The following TANGO6 variants were observed in gnomAD, a reference collection of about 807,000 sequenced individuals.
The protein encoded by TANGO6 is transport and Golgi organization protein 6 homolog.
Under a neutral mutation model 114.2 loss-of-function variants are expected in TANGO6, and 90 were observed. The observed-to-expected ratio is 0.79, with a 90% CI of 0.66 to 0.94. TANGO6 has a LOEUF of 0.94. TANGO6 is among the 40% of genes least tolerant of loss of function. The pLI, the probability that TANGO6 is intolerant of heterozygous loss-of-function variation, is 0.00. For synonymous variants in TANGO6, 477 were observed against 509.8 expected, an observed-to-expected ratio of 0.94 and a Z score of 0.87; for missense variants, 1,274 against 1,315.3, an observed-to-expected ratio of 0.97 and a Z score of 0.49.
chr16:68,851,400 C>T lies in TANGO6; in HGVS notation c.94+7689C>T, dbSNP rs569199618. 7.2e-5 allele frequency among the ~76,000 whole-genome samples: 11 copies of T among 152,190 alleles called. No individual in the cohort carries two copies. In the South Asian group the frequency reaches 1.9e-3, roughly 26 times the overall value. On this transcript the variant is annotated intron_variant, in intron 1 of 17. Transcript: ENST00000261778. The stretch of plus-strand genomic sequence containing the variant: ...GCCTCGAACTCCTGACCTTGTGATC[C>T]GCCCACCTCGGCCTCCCAAAGTGCT...
Position 68,860,405 on chromosome 16 carries a change from G to T in TANGO6, c.616G>T (p.Ala206Ser). ...YTSCKALLNV[A>S]QHTSLGSLIF... Reference sequence around the variant, plus strand: ...CAGCTGCAAGGCCCTTCTGAATGTTGCTCAGCACACATCTCTGGGGAGCTT... The same window carrying T: ...CAGCTGCAAGGCCCTTCTGAATGTTTCTCAGCACACATCTCTGGGGAGCTT... The change falls in exon 2 of 18, where the codon GCT becomes TCT. Residue 206 changes from alanine to serine, a missense_variant. Around this residue, in one of 5 missense-constraint regions of TANGO6, gnomAD observed 908 missense variants for 910.2 expected, o/e 1.00. Coordinates refer to ENST00000261778, the MANE Select transcript of TANGO6 (RefSeq NM_024562.2). 6.2e-7 allele frequency: 1 copy of T among 1,613,958 alleles called. No homozygotes were observed. Among genetic ancestry groups the T allele is most frequent in the Non-Finnish European group, 8.5e-7 (1 of 1,179,888 alleles).
chr16:68,982,630 C>CTTTTTTTTT lies in TANGO6; in HGVS notation c.2842+8476_2842+8484dup, dbSNP rs562523656. On this transcript the variant is annotated intron_variant, in intron 15 of 17. Transcript: ENST00000261778. ...CAGGCATGAGCCACCATGCCCTGGC[C>CTTTTTTTTT]TTTTTTTTTTTTTTTTTTTTTTGTA... 1.5e-3 allele frequency among the ~76,000 whole-genome samples: 153 copies of CTTTTTTTTT among 105,298 alleles called. 2 individuals carry two copies. The highest frequency in any genetic ancestry group is 2.3e-3 in the Non-Finnish European group (125 of 54,682). The allele number at this position is 105,298 out of a possible 152,430, so 69.1% of individuals were successfully genotyped here.
chr16:68,957,854 A>G (rs1472370631), intron 14 of TANGO6, among the ~76,000 whole-genome samples: 1 of 152,202 alleles, frequency 6.6e-6, no homozygotes, highest in African/African-American at 2.4e-5. Context: ...GGAAAGTCTT[A>G]AAGTAAAAAG....
intron 17 of TANGO6, among the ~76,000 whole-genome samples, chr16:69,080,120 A>G (rs1960443915): frequency 6.6e-6 from 1 of 152,242 alleles, no homozygotes; most frequent in Non-Finnish European, 1.5e-5. Context: ...AATTACTTTC[A>G]TTGGAAAGAT....
chr16:68,891,330 G>A (rs1271531772), intron 7 of TANGO6, among the ~76,000 whole-genome samples: 2 of 151,018 alleles, frequency 1.3e-5, no homozygotes, highest in Non-Finnish European at 2.9e-5. Context: ...GGGCATAATG[G>A]GCATCTGTAA....
chr16:68,911,084 A>G (rs1962916919), intron 11 of TANGO6, among the ~76,000 whole-genome samples: 1 of 152,180 alleles, frequency 6.6e-6, no homozygotes, highest in South Asian at 2.1e-4. Flanking sequence ...AAAAAGAGGT[A>G]TAAAGTAAAG....
At chr16:68,965,823 T>G (rs556878818) in intron 14 of TANGO6, among the ~76,000 whole-genome samples, 2 of 151,966 alleles carry the variant, frequency 1.3e-5, no homozygotes, top group East Asian at 1.9e-4. Context: ...AATAATAAAA[T>G]TTTTAAAATA....
At position 68,902,434 on chromosome 16, in the gene TANGO6, C is replaced by T. The variant is rs373638173; in HGVS notation, c.1597C>T (p.Leu533Phe). Residue 533 changes from leucine (L) to phenylalanine (F), a missense_variant, in exon 9 of 18, where the codon CTC becomes TTC. By Grantham distance (22) the Leu-to-Phe change is conservative (BLOSUM62 0). Around this residue, in one of 5 missense-constraint regions of TANGO6, gnomAD observed 908 missense variants for 910.2 expected, o/e 1.00. Transcript: ENST00000261778. ...FAGLDKAVPS[L>F]HSLCQFRVAT... ...AGGGTTGGACAAAGCTGTGCCCTCT[C>T]TCCATTCTCTGTGTCAGTTTAGAGT... 8 of 1,613,704 alleles carry T rather than the reference C, an allele frequency of 5.0e-6. No individual in the cohort carries two copies. The African/African-American group carries it at 5.3e-5, about 11-fold the overall frequency.
intron 14 of TANGO6, among the ~76,000 whole-genome samples, chr16:68,947,623 C>A (rs8058343): frequency 0.13 from 11,671 of 91,950 alleles, 572 homozygotes; most frequent in African/African-American, 0.18. Flanking sequence ...ACAGAGTCTC[C>A]CTCTGTTGCC....
intron 7 of TANGO6, 149 bp downstream of exon 7, chr16:68,880,779 C>T (rs1962449280): frequency 2.1e-6 from 1 of 477,660 alleles, no homozygotes; most frequent in Non-Finnish European, 3.6e-6. Flanking sequence ...CCTTCCTTAG[C>T]CTCCCAAAGT....
chr16:68,891,548 C>T (rs980488952), intron 7 of TANGO6, among the ~76,000 whole-genome samples: 6 of 152,252 alleles, frequency 3.9e-5, no homozygotes, highest in East Asian at 1.9e-4. Context: ...AACAGAAACA[C>T]GTTTATTCTT....
At chr16:68,899,033 G>A (rs75451238) in intron 7 of TANGO6, among the ~76,000 whole-genome samples, 2,302 of 151,524 alleles carry the variant, frequency 0.015, 72 homozygotes, top group African/African-American at 0.053. Flanking sequence ...AGCACTTAGG[G>A]AGGACGAGAC....
chr16:68,930,160 T>G, intron 13 of TANGO6, 78 bp from the exon 14 acceptor site: 56 of 1,275,608 alleles, frequency 4.4e-5, no homozygotes, highest in Non-Finnish European at 5.6e-5. Flanking sequence ...TTTACTCCTT[T>G]GAGCTGCTGA....
chr16:68,927,628 A>G lies in TANGO6; in HGVS notation c.2188A>G (p.Asn730Asp). 5 of 1,613,994 alleles carry G rather than the reference A, an allele frequency of 3.1e-6. No individual in the cohort carries two copies. The highest frequency in any genetic ancestry group is 4.2e-6 in the Non-Finnish European group (5 of 1,179,880). The change falls in exon 13 of 18, where the codon AAC (asparagine) becomes GAC (aspartate). Residue 730 changes from asparagine (N) to aspartate (D), a missense_variant. Physicochemically the swap from Asn to Asp is conservative, Grantham distance 23. Transcript: ENST00000261778. ...QLLPLLEKVS[N>D]TYPDPVIQEL... is the part of the protein sequence containing the mutation. ...GTTGCCTCTGTTGGAGAAGGTATCC[A>G]ACACATACCCTGATCCGGTCATCCA...
chr16:69,079,802 C>A (rs1029280910), intron 17 of TANGO6, among the ~76,000 whole-genome samples: 2 of 152,284 alleles, frequency 1.3e-5, no homozygotes. Context: ...AATGTAAATT[C>A]TTGGAACCTC....
chr16:69,018,141 T>C (rs1280932772), intron 15 of TANGO6, among the ~76,000 whole-genome samples: 1 of 123,608 alleles, frequency 8.1e-6, no homozygotes, highest in Non-Finnish European at 1.7e-5. Context: ...GGAAATCTCT[T>C]TTTTTTTTTT....
At chr16:69,027,082 G>A (rs375315083) in intron 16 of TANGO6, among the ~76,000 whole-genome samples, 1 of 152,154 alleles carries the variant, frequency 6.6e-6, no homozygotes, top group East Asian at 1.9e-4. Flanking sequence ...AGCTGGCCTC[G>A]AACTCCTGAC....
intron 16 of TANGO6, among the ~76,000 whole-genome samples, chr16:69,029,829 C>T (rs569155790): frequency 5.3e-5 from 8 of 152,022 alleles, no homozygotes; most frequent in Non-Finnish European, 7.4e-5. Flanking sequence ...AAGAACAGGC[C>T]GGGTGTGGTG....
chr16:68,983,682 C>T (rs572342421), intron 15 of TANGO6, among the ~76,000 whole-genome samples: 3 of 152,208 alleles, frequency 2.0e-5, no homozygotes, highest in African/African-American at 2.4e-5. Flanking sequence ...CAGTGTGCTA[C>T]AAGGCTACAT....
Sources: allele counts gnomAD v4.1 joint callset (sites outside exome capture counted in the v4.1 genomes callset), GRCh38; gene constraint gnomAD v4.1.1; regional missense constraint gnomAD v4.1.1; transcripts MANE v1.5; gene names NCBI Gene and HGNC (gene_info 2026-07-23, HGNC 2026-07-21).